The following IGLON5 variants were observed in gnomAD, a reference collection of about 807,000 sequenced individuals.
IGLON5 encodes the protein Ig-like domain-containing protein ENSP00000270642.
Under a neutral mutation model 38.2 loss-of-function variants are expected in IGLON5, and 16 were observed. That is an observed-to-expected ratio of 0.42 (90% CI 0.28 to 0.64). IGLON5 has a LOEUF of 0.64. IGLON5 is among the 30% of genes least tolerant of loss of function. IGLON5 has a pLI of 0.23. For missense variants in IGLON5, 366 were observed against 483.4 expected, an observed-to-expected ratio of 0.76 and a Z score of 2.28; for synonymous variants, 207 against 216.4, an observed-to-expected ratio of 0.96 and a Z score of 0.38.
At chr19:51,318,768 A>G (rs1445555447) in intron 1 of IGLON5, among the ~76,000 whole-genome samples, 2 of 152,196 alleles carry the variant, frequency 1.3e-5, no homozygotes, top group African/African-American at 4.8e-5. Flanking sequence ...TAAAGCCCCA[A>G]GAAGCCTGGA....
At position 51,327,909 on chromosome 19, in the gene IGLON5, G is replaced by A. The variant is rs1460571887; in HGVS notation, c.922+23G>A. The A allele has an allele frequency of 2.0e-6, 3 of 1,476,518 alleles. No homozygotes were observed. Among genetic ancestry groups the A allele is most frequent in the East Asian group, 2.6e-5 (1 of 39,118 alleles). 91.5% of individuals were successfully genotyped at this position (1,476,518 alleles called of 1,614,324 possible). A position where few individuals can be genotyped will look rare whatever the true frequency, so the allele number is the denominator to read the frequency against. ...TGCGTGCGTCTTCGGGCGGGGCGGG[G>A]CCGGGAAGGTGGGCGGGGCCGGGGG... On this transcript the variant is annotated intron_variant, in intron 7 of 7. Coordinates refer to ENST00000270642, the MANE Select transcript of IGLON5 (RefSeq NM_001101372.3). This position sits in a 1 kb window ranked among gnomAD's most constrained non-coding sequence, Gnocchi z 7.1.
At chr19:51,315,999 T>C (rs1984912859) in intron 1 of IGLON5, among the ~76,000 whole-genome samples, 1 of 149,512 alleles carries the variant, frequency 6.7e-6, no homozygotes. Context: ...CCGCCGGAAG[T>C]CAACCTTTCA....
rs188872522 is a variant in IGLON5, at chr19:51,325,626, C to T, written c.511+161C>T. Among the ~76,000 whole-genome samples, 237 of 152,248 alleles carry T rather than the reference C, an allele frequency of 1.6e-3. 1 individual carries two copies. Among genetic ancestry groups the T allele is most frequent in the African/African-American group, 5.5e-3 (228 of 41,544 alleles). On this transcript the variant is annotated intron_variant, in intron 4 of 7. Coordinates refer to ENST00000270642, the MANE Select transcript of IGLON5 (RefSeq NM_001101372.3). The surrounding 1 kb of genome is among the most constrained non-coding windows in gnomAD (Gnocchi z 5.5). ...GTTATTTCATCCACAGACCACAAAC[C>T]CCAGACCTAAGAGGCGTCACCACTG... is the stretch of plus-strand genomic sequence containing the variant.
chr19:51,325,291 G>A lies in IGLON5; in HGVS notation c.392-55G>A. 1.9e-6 allele frequency: 3 copies of A among 1,587,904 alleles called. No individual in the cohort carries two copies. The highest frequency in any genetic ancestry group is 2.6e-6 in the Non-Finnish European group (3 of 1,167,740). On this transcript the variant is annotated intron_variant, in intron 3 of 7. Transcript: ENST00000270642. This position sits in a 1 kb window ranked among gnomAD's most constrained non-coding sequence, Gnocchi z 5.5. ...GGACTCCTGGGTCTGAAGGAGGAAG[G>A]GCTGGGGGCCTGGATTCCTGGGCAT... is the stretch of plus-strand genomic sequence containing the variant.
At chr19:51,326,221 A>G (rs1377515525) in intron 4 of IGLON5, among the ~76,000 whole-genome samples, 1 of 152,002 alleles carries the variant, frequency 6.6e-6, no homozygotes, top group Non-Finnish European at 1.5e-5. Flanking sequence ...TCTGAGCCCC[A>G]TGAGCCTGGT....
chr19:51,322,188 G>A (rs779433156), intron 2 of IGLON5, 46 bp downstream of exon 2: 5 of 1,468,294 alleles, frequency 3.4e-6, no homozygotes, highest in East Asian at 4.5e-5. Flanking sequence ...GGAGCCATGC[G>A]GTCCTGCCCC....
chr19:51,328,781 C>G lies in IGLON5; in HGVS notation c.*22C>G. ...GTAGGCGCAACCCAGTGGAGCTCACCTCCCCCTGCAGGGGGCCTCAGGCCA... is the reference window on the plus strand; with the variant it reads ...GTAGGCGCAACCCAGTGGAGCTCACGTCCCCCTGCAGGGGGCCTCAGGCCA... On this transcript the variant is annotated 3_prime_UTR_variant, in exon 8 of 8. Transcript: ENST00000270642. The G allele has an allele frequency of 6.4e-7, 1 of 1,554,962 alleles. No individual in the cohort carries two copies. The highest frequency in any genetic ancestry group is 8.7e-7 in the Non-Finnish European group (1 of 1,147,592).
chr19:51,327,949 T>C lies in IGLON5; in HGVS notation c.922+63T>C, dbSNP rs2123537385. ...GGGGCCGGGGGCGGGGCTAGGGAAGTGGAGACGCCGGGACCGCCCTTCAGG... is the reference window on the plus strand; with the variant it reads ...GGGGCCGGGGGCGGGGCTAGGGAAGCGGAGACGCCGGGACCGCCCTTCAGG... On this transcript the variant is annotated intron_variant, in intron 7 of 7. Transcript: ENST00000270642. This position sits in a 1 kb window ranked among gnomAD's most constrained non-coding sequence, Gnocchi z 7.1. 3 of 1,431,938 alleles carry C rather than the reference T, an allele frequency of 2.1e-6. No individual in the cohort carries two copies. Among genetic ancestry groups the C allele is most frequent in the Non-Finnish European group, 1.8e-6 (2 of 1,091,764 alleles). 88.7% of individuals were successfully genotyped at this position (1,431,938 alleles called of 1,614,324 possible).
At chr19:51,316,012 G>A (rs1984913192) in intron 1 of IGLON5, among the ~76,000 whole-genome samples, 2 of 149,828 alleles carry the variant, frequency 1.3e-5, no homozygotes, top group African/African-American at 2.4e-5. Context: ...ACCTTTCAAA[G>A]TTGACAGCAG....
intron 1 of IGLON5, among the ~76,000 whole-genome samples, chr19:51,320,113 G>A (rs1568458030): frequency 1.3e-5 from 2 of 152,164 alleles, no homozygotes; most frequent in South Asian, 4.1e-4. Flanking sequence ...CCAGGGCTGC[G>A]TGTAGCAGTG....
At chr19:51,314,639 G>C (rs1301582802) in intron 1 of IGLON5, among the ~76,000 whole-genome samples, 1 of 152,208 alleles carries the variant, frequency 6.6e-6, no homozygotes, top group Non-Finnish European at 1.5e-5. Flanking sequence ...GAGGGGATGG[G>C]GTGGGGTTGA....
chr19:51,313,641 CTCTCT>C (rs777800114), intron 1 of IGLON5, among the ~76,000 whole-genome samples: 1 of 82,608 alleles, frequency 1.2e-5, no homozygotes, highest in Non-Finnish European at 2.2e-5. Flanking sequence ...TTCTCTCTCT[CTCTCT>C]TTTTCTTTCT....
chr19:51,318,798 C>G (rs1233935980), intron 1 of IGLON5, among the ~76,000 whole-genome samples: 1 of 152,176 alleles, frequency 6.6e-6, no homozygotes. Context: ...GGGCTCAACT[C>G]ATGGGGGCAG....
intron 1 of IGLON5, among the ~76,000 whole-genome samples, chr19:51,317,644 G>A (rs981889088): frequency 1.3e-5 from 2 of 152,292 alleles, no homozygotes; most frequent in East Asian, 3.9e-4. Flanking sequence ...CCGCTCCCCT[G>A]AGTGGAGCAT....
intron 1 of IGLON5, among the ~76,000 whole-genome samples, chr19:51,317,959 GT>G (rs1357940152): frequency 6.6e-6 from 1 of 152,154 alleles, no homozygotes; most frequent in Non-Finnish European, 1.5e-5. Flanking sequence ...TTATTATCTG[GT>G]CTCTGAGGAC....
At chr19:51,316,244 C>G (rs1984920283) in intron 1 of IGLON5, among the ~76,000 whole-genome samples, 1 of 147,792 alleles carries the variant, frequency 6.8e-6, no homozygotes, top group African/African-American at 2.5e-5. Flanking sequence ...ACTCAGGAGG[C>G]TGAGGCAGGA....
intron 4 of IGLON5, among the ~76,000 whole-genome samples, chr19:51,326,057 C>T (rs73551994): frequency 0.079 from 12,009 of 152,072 alleles, 1,620 homozygotes; most frequent in African/African-American, 0.28. Flanking sequence ...ATATGACAGT[C>T]CAGGTCCTAG....
At chr19:51,317,209 C>T (rs556090904) in intron 1 of IGLON5, among the ~76,000 whole-genome samples, 92 of 152,252 alleles carry the variant, frequency 6.0e-4, no homozygotes, top group African/African-American at 1.6e-3. Context: ...GTAAATCCTA[C>T]GAGGGCAGGG....
At position 51,315,688 on chromosome 19, in the gene IGLON5, C is replaced by CTTTTTTTTTTTTT. The variant is rs756194855; in HGVS notation, c.79+3775_79+3787dup. On this transcript the variant is annotated intron_variant, in intron 1 of 7. Transcript: ENST00000270642. The stretch of plus-strand genomic sequence containing the variant: ...GACCTGAAGGAAGAGGGAAGTCAAC[C>CTTTTTTTTTTTTT]TTTTTTTTTTTTTTTTTTTTTTTTT... 8.5e-5 allele frequency among the ~76,000 whole-genome samples: 7 copies of CTTTTTTTTTTTTT among 82,590 alleles called. 1 individual carries two copies. Among genetic ancestry groups the CTTTTTTTTTTTTT allele is most frequent in the African/African-American group, 3.2e-4 (7 of 22,130 alleles). The allele number at this position is 82,590 out of a possible 152,430, so 54.2% of individuals were successfully genotyped here.
Sources: allele counts gnomAD v4.1 joint callset (sites outside exome capture counted in the v4.1 genomes callset), GRCh38; gene constraint gnomAD v4.1.1; non-coding constraint Gnocchi (gnomAD v3.1); transcripts MANE v1.5; gene names NCBI Gene and HGNC (gene_info 2026-07-23, HGNC 2026-07-21).